THBS4: variants seen among roughly 807,000 people sequenced by gnomAD.
The protein encoded by THBS4 is thrombospondin-4.
Under a neutral mutation model 115.7 loss-of-function variants are expected in THBS4, and 90 were observed. The ratio of observed to expected loss-of-function variants is 0.78; its 90% CI spans 0.66 to 0.93. The LOEUF (loss-of-function observed/expected upper bound fraction) is 0.93, where lower values mean the gene tolerates loss of function less well. Ranked by LOEUF, THBS4 falls within the 40% of genes least tolerant of loss-of-function variation. The pLI, the probability that THBS4 is intolerant of heterozygous loss-of-function variation, is 0.00. For missense variants in THBS4, 1,087 were observed against 1,232.7 expected (o/e 0.88, Z 1.77); for synonymous variants, 460 against 479.3 (o/e 0.96, Z 0.53).
intron 1 of THBS4, among the ~76,000 whole-genome samples, chr5:79,993,626 A>T (rs1449611248): frequency 6.6e-6 from 1 of 152,216 alleles, no homozygotes; most frequent in Non-Finnish European, 1.5e-5. Flanking sequence ...TTATTTTTCA[A>T]AAGATGATCA....
At position 80,044,193 on chromosome 5, in the gene THBS4, C is replaced by T. The variant is rs143273806; in HGVS notation, c.292+3913C>T. 3.7e-4 allele frequency among the ~76,000 whole-genome samples: 56 copies of T among 152,310 alleles called. No homozygotes were observed. In the East Asian group the frequency reaches 9.3e-3, roughly 25 times the overall value. The stretch of plus-strand genomic sequence containing the variant: ...CCTTGTACTTGAATTACTTCTAGGT[C>T]TTCTCTCCATTTGGTTGGGAGCTCT... On this transcript the variant is annotated intron_variant, in intron 2 of 21. Coordinates refer to ENST00000350881, the MANE Select transcript of THBS4 (RefSeq NM_003248.6).
Position 80,079,971 on chromosome 5 carries a change from A to G in THBS4, c.2578A>G (p.Ser860Gly). Residue 860 changes from serine to glycine, a missense_variant, in exon 20 of 22, where the codon AGT (serine) becomes GGT (glycine). Ser to Gly is a moderately conservative substitution (Grantham distance 56). This residue lies in a region of THBS4 where 979 missense variants were observed against 1,103.7 expected (regional missense o/e 0.89). Coordinates refer to ENST00000350881, the MANE Select transcript of THBS4 (RefSeq NM_003248.6). ...CTCCCTGTGGCACACGGGGGACACC[A>G]GTGACCAGGTCAGGCTGCTGTGGAA... is the stretch of plus-strand genomic sequence containing the variant. ...RNSLWHTGDTSDQVRLLWKDS... is the reference protein window; with the variant it reads ...RNSLWHTGDTGDQVRLLWKDS... 6.2e-7 allele frequency: 1 copy of G among 1,614,104 alleles called. No individual in the cohort carries two copies. Among genetic ancestry groups the G allele is most frequent in the Non-Finnish European group, 8.5e-7 (1 of 1,180,000 alleles).
chr5:80,034,320 A>C (rs1473918722), upstream of THBS4, among the ~76,000 whole-genome samples: 1 of 152,204 alleles, frequency 6.6e-6, no homozygotes, highest in Admixed American at 6.5e-5. Context: ...ATTTTAGCAC[A>C]GTTTGGGGAT....
chr5:79,991,475 A>C, intron 1 of THBS4: 1 of 433,812 alleles, frequency 2.3e-6, no homozygotes, highest in Non-Finnish European at 4.0e-6. Flanking sequence ...TATTTATTAG[A>C]TCCCTAGAGT....
At chr5:79,996,532 G>T (rs1359093873) in intron 1 of THBS4, among the ~76,000 whole-genome samples, 1 of 152,142 alleles carries the variant, frequency 6.6e-6, no homozygotes, top group African/African-American at 2.4e-5. Flanking sequence ...CATGATGGGG[G>T]CTCAGCCATC....
At chr5:80,060,874 G>A (rs1833609169) in intron 7 of THBS4, among the ~76,000 whole-genome samples, 1 of 152,216 alleles carries the variant, frequency 6.6e-6, no homozygotes, top group Non-Finnish European at 1.5e-5. Flanking sequence ...CTCCCACCCA[G>A]CCCAAGGAAG....
At chr5:80,019,148 A>G (rs563497852) in intron 2 of THBS4, among the ~76,000 whole-genome samples, 1 of 152,094 alleles carries the variant, frequency 6.6e-6, no homozygotes. Flanking sequence ...AGCAACATCA[A>G]CTATGAAGTA....
At chr5:80,057,815 C>T (rs1833480623) in intron 3 of THBS4, among the ~76,000 whole-genome samples, 1 of 152,114 alleles carries the variant, frequency 6.6e-6, no homozygotes, top group South Asian at 2.1e-4. Flanking sequence ...ACCCTTGAGC[C>T]AAGACAACCA....
chr5:80,000,523 G>A (rs1395335866), intron 2 of THBS4, among the ~76,000 whole-genome samples: 1 of 152,130 alleles, frequency 6.6e-6, no homozygotes, highest in Non-Finnish European at 1.5e-5. Flanking sequence ...AATATGTCAT[G>A]CCTTCTGTTA....
chr5:80,076,095 G>A (rs1304207500), intron 15 of THBS4: 1 of 152,498 alleles, frequency 6.6e-6, no homozygotes, highest in South Asian at 2.1e-4. Context: ...ATCTTCAGGT[G>A]GCCCCTCAGC....
intron 2 of THBS4, among the ~76,000 whole-genome samples, chr5:80,026,062 G>A (rs766884353): frequency 6.6e-6 from 1 of 152,106 alleles, no homozygotes; most frequent in Non-Finnish European, 1.5e-5. Flanking sequence ...GGAATTTAAC[G>A]TTCAAATGGA....
chr5:80,035,355 A>C lies in THBS4; in HGVS notation c.-183A>C. The C allele has an allele frequency of 5.3e-6, 1 of 189,166 alleles. No individual in the cohort carries two copies. Among genetic ancestry groups the C allele is most frequent in the Non-Finnish European group, 1.0e-5 (1 of 96,898 alleles). 11.7% of individuals were successfully genotyped at this position (189,166 alleles called of 1,614,324 possible). ...GCCGCTGCCGCGGAGCCCAGCAGCC[A>C]GCTCCCCAGCACCGCACGGCGGGGA... On this transcript the variant is annotated 5_prime_UTR_variant, in exon 1 of 22. Coordinates refer to ENST00000350881, the MANE Select transcript of THBS4 (RefSeq NM_003248.6). This position sits in a 1 kb window ranked among gnomAD's most constrained non-coding sequence, Gnocchi z 4.6.
At chr5:80,013,920 T>C (rs1398507251) in intron 2 of THBS4, among the ~76,000 whole-genome samples, 1 of 152,206 alleles carries the variant, frequency 6.6e-6, no homozygotes, top group Non-Finnish European at 1.5e-5. Context: ...GAAGGAAGTT[T>C]ACCATAAGGT....
At chr5:80,032,292 C>T (rs925827671), upstream of THBS4, among the ~76,000 whole-genome samples, 1 of 152,134 alleles carries the variant, frequency 6.6e-6, no homozygotes, top group Non-Finnish European at 1.5e-5. Flanking sequence ...AAAAGCAAAA[C>T]CAGATTGTAA....
At chr5:80,071,307 C>A in intron 13 of THBS4, 127 bp downstream of exon 13, 1 of 1,452,194 alleles carries the variant, frequency 6.9e-7, no homozygotes, top group African/African-American at 1.4e-5. Flanking sequence ...TTGTGGCCTG[C>A]ATCTGGAAGA....
chr5:79,997,036 T>TG (rs1561287623), intron 1 of THBS4, among the ~76,000 whole-genome samples: 2 of 151,944 alleles, frequency 1.3e-5, no homozygotes, highest in Non-Finnish European at 2.9e-5. Context: ...AATAGTTTTT[T>TG]TTTTTTTTTT....
At chr5:80,022,206 C>T (rs902127140) in intron 2 of THBS4, among the ~76,000 whole-genome samples, 1 of 152,194 alleles carries the variant, frequency 6.6e-6, no homozygotes, top group Non-Finnish European at 1.5e-5. Flanking sequence ...CCTCTCAGGA[C>T]TCAGGCTTTC....
intron 1 of THBS4, among the ~76,000 whole-genome samples, chr5:79,996,335 A>G (rs1421123441): frequency 6.6e-6 from 1 of 152,204 alleles, no homozygotes; most frequent in Non-Finnish European, 1.5e-5. Flanking sequence ...CAGTTTTTTT[A>G]AATGGAAATA....
At chr5:80,067,854 A>T in intron 9 of THBS4, 119 bp from the exon 10 acceptor site, 2 of 1,174,596 alleles carry the variant, frequency 1.7e-6, no homozygotes, top group Non-Finnish European at 2.4e-6. Context: ...CATGGATCTG[A>T]TGCCTGATTC....
Sources: gnomAD v4.1 joint callset for allele counts (sites outside exome capture counted in the v4.1 genomes callset) on GRCh38, gnomAD v4.1.1 for gene constraint, gnomAD v4.1.1 regional missense constraint, Gnocchi (gnomAD v3.1) non-coding constraint, MANE v1.5 for transcripts, NCBI Gene and HGNC (gene_info 2026-07-23, HGNC 2026-07-21) for gene names.